RANBP2: variants seen among roughly 807,000 people sequenced by gnomAD.
RANBP2 encodes RAN binding protein 2.
RANBP2 carries 57 observed loss-of-function variants against 303.6 expected under a neutral mutation model. That is an observed-to-expected ratio of 0.19 (90% CI 0.15 to 0.23). The LOEUF (loss-of-function observed/expected upper bound fraction) is 0.23. Among genes scored for constraint, RANBP2 ranks in the 10% least tolerant of loss-of-function variants. The probability of loss-of-function intolerance (pLI) is 1.00; values close to 1 mark genes in which losing one functional copy is unlikely to be tolerated. For synonymous variants in RANBP2, 1,167 were observed against 1,301.5 expected, an observed-to-expected ratio of 0.90 and a Z score of 2.23; for missense variants, 3,138 against 3,780.8, an observed-to-expected ratio of 0.83 and a Z score of 4.46.
At chr2:109,313,921 A>T in the RANBP2 span, among the ~76,000 whole-genome samples, 1 of 152,176 alleles carries the variant, frequency 6.6e-6, no homozygotes, top group African/African-American at 2.4e-5. Flanking sequence ...TGGGACCCGT[A>T]TGCAGGGTGC....
At chr2:109,563,205 C>T in the RANBP2 span, among the ~76,000 whole-genome samples, 5 of 152,306 alleles carry the variant, frequency 3.3e-5, no homozygotes, top group East Asian at 9.6e-4. Context: ...AACCACCACA[C>T]CCGGCCATAA....
the RANBP2 span, among the ~76,000 whole-genome samples, chr2:109,405,819 G>T: frequency 4.7e-3 from 710 of 152,342 alleles, 5 homozygotes; most frequent in South Asian, 0.015. Context: ...TCCTCCCTGG[G>T]CTTTTAGGTC....
the RANBP2 span, among the ~76,000 whole-genome samples, chr2:109,112,750 G>A: frequency 4.6e-5 from 7 of 152,048 alleles, no homozygotes; most frequent in African/African-American, 1.5e-4. Context: ...TTTCTTCTAG[G>A]GTTTTTATGG....
chr2:108,731,528 T>C, intron 4 of RANBP2, 54 bp downstream of exon 4: 2 of 1,608,618 alleles, frequency 1.2e-6, no homozygotes, highest in South Asian at 1.1e-5. Context: ...ATTTCTAATA[T>C]TTGGAATTTA....
At chr2:109,278,260 G>T in the RANBP2 span, among the ~76,000 whole-genome samples, 1 of 152,168 alleles carries the variant, frequency 6.6e-6, no homozygotes, top group African/African-American at 2.4e-5. Context: ...TGAGCCCACG[G>T]TAGGCACTTT....
the RANBP2 span, among the ~76,000 whole-genome samples, chr2:109,578,006 T>C: frequency 6.6e-6 from 1 of 151,970 alleles, no homozygotes; most frequent in South Asian, 2.1e-4. Context: ...CATTTCATTG[T>C]CTATTTGTAT....
At chr2:109,715,466 T>C in the RANBP2 span, among the ~76,000 whole-genome samples, 1 of 152,110 alleles carries the variant, frequency 6.6e-6, no homozygotes, top group South Asian at 2.1e-4. Flanking sequence ...CTTAGGCTAT[T>C]GTAAAGGACG....
the RANBP2 span, chr2:109,371,526 T>G: frequency 6.8e-7 from 1 of 1,469,512 alleles, no homozygotes; most frequent in Non-Finnish European, 9.5e-7. Flanking sequence ...AGTGTCTTGC[T>G]TCCTTTTTCA....
the RANBP2 span, among the ~76,000 whole-genome samples, chr2:109,561,731 T>C: frequency 6.6e-6 from 1 of 152,196 alleles, no homozygotes; most frequent in African/African-American, 2.4e-5. Context: ...TCAATAACGA[T>C]CACCACCAGT....
chr2:109,353,314 CCCACA>C, the RANBP2 span, among the ~76,000 whole-genome samples: 1 of 152,346 alleles, frequency 6.6e-6, no homozygotes, highest in East Asian at 1.9e-4. Context: ...CCTGGGTGCC[CCCACA>C]CATTTATAGC....
the RANBP2 span, among the ~76,000 whole-genome samples, chr2:109,535,997 C>T: frequency 1.5e-5 from 2 of 130,996 alleles, no homozygotes; most frequent in East Asian, 2.2e-4. Context: ...GCCTAGATTT[C>T]AGATGTATGG....
chr2:109,527,753 AAAAT>A, the RANBP2 span, among the ~76,000 whole-genome samples: 1 of 152,354 alleles, frequency 6.6e-6, no homozygotes, highest in East Asian at 1.9e-4. Context: ...ATTTTTTTAA[AAAAT>A]AAATAGATGT....
At chr2:108,863,554 G>A in the RANBP2 span, among the ~76,000 whole-genome samples, 1 of 152,096 alleles carries the variant, frequency 6.6e-6, no homozygotes, top group African/African-American at 2.4e-5. Flanking sequence ...CAAGACTTGG[G>A]GTTTTTTATG....
the RANBP2 span, among the ~76,000 whole-genome samples, chr2:108,806,709 G>A: frequency 1.2e-4 from 18 of 152,316 alleles, no homozygotes; most frequent in Middle Eastern, 3.4e-3. Context: ...CTGGCTAGAT[G>A]AATAACATGT....
the RANBP2 span, among the ~76,000 whole-genome samples, chr2:109,252,401 C>CTT: frequency 6.6e-6 from 1 of 152,162 alleles, no homozygotes; most frequent in African/African-American, 2.4e-5. Context: ...TTAATGTTTA[C>CTT]TTCTGAAACT....
At chr2:108,795,792 G>A in the RANBP2 span, among the ~76,000 whole-genome samples, 445 of 152,260 alleles carry the variant, frequency 2.9e-3, 5 homozygotes, top group African/African-American at 0.01. Flanking sequence ...TTGTCCAATT[G>A]TGCATTTATT....
the RANBP2 span, among the ~76,000 whole-genome samples, chr2:109,484,920 C>T: frequency 2.0e-5 from 3 of 152,206 alleles, no homozygotes; most frequent in Non-Finnish European, 2.9e-5. Context: ...GTCACAAAAA[C>T]ATCTTTGTGT....
At chr2:109,269,811 G>T in the RANBP2 span, among the ~76,000 whole-genome samples, 2 of 152,150 alleles carry the variant, frequency 1.3e-5, no homozygotes, top group Non-Finnish European at 2.9e-5. Flanking sequence ...CAAGATACTT[G>T]TGCATTTTAG....
chr2:109,323,150 C>G, the RANBP2 span, among the ~76,000 whole-genome samples: 1 of 152,298 alleles, frequency 6.6e-6, no homozygotes, highest in East Asian at 1.9e-4. Context: ...CCTCGGCTTC[C>G]AGAGACAATG....
Sources: allele counts gnomAD v4.1 joint callset (sites outside exome capture counted in the v4.1 genomes callset), GRCh38; gene constraint gnomAD v4.1.1; transcripts MANE v1.5; gene names NCBI Gene and HGNC (gene_info 2026-07-23, HGNC 2026-07-21).